Variants in UROC1 observed in about 807,000 individuals in gnomAD.
UROC1 encodes the protein urocanate hydratase.
UROC1 carries 79 observed loss-of-function variants against 89.5 expected under a neutral mutation model. The observed-to-expected ratio is 0.88, with a 90% CI of 0.74 to 1.06. The LOEUF (loss-of-function observed/expected upper bound fraction) is 1.06. UROC1 is among the 50% of genes least tolerant of loss of function. The pLI, the probability that UROC1 is intolerant of heterozygous loss-of-function variation, is 0.00. For missense variants in UROC1, 885 were observed against 907.8 expected (o/e 0.97, Z 0.32); for synonymous variants, 361 against 354.8 (o/e 1.02, Z -0.20).
chr3:126,490,570 A>G (rs1174845297), intron 16 of UROC1, among the ~76,000 whole-genome samples: 1 of 152,138 alleles, frequency 6.6e-6, no homozygotes, highest in Non-Finnish European at 1.5e-5. Flanking sequence ...CTGTAATCAC[A>G]GCTCGTCGGG....
intron 10 of UROC1, 54 bp from the exon 11 acceptor site, chr3:126,500,928 T>A (rs1576722099): frequency 1.2e-6 from 2 of 1,602,752 alleles, no homozygotes; most frequent in African/African-American, 1.3e-5. Context: ...GGGCCCAGAG[T>A]CTGGGGCCAG....
rs187939212 is a variant in UROC1, at chr3:126,494,742, C to T, written c.1509+1296G>A. Among the ~76,000 whole-genome samples the T allele has an allele frequency of 4.9e-4, 75 of 152,316 alleles. No individual in the cohort carries two copies. In the East Asian group the frequency reaches 0.013, roughly 26 times the overall value. ...GGGCTGGTCCCTCTGCCTCGATTGT[C>T]ACATGGTTGCAACCCTCTCAGCATG... On this transcript the variant is annotated intron_variant, in intron 15 of 19. Transcript: ENST00000290868.
intron 9 of UROC1, among the ~76,000 whole-genome samples, chr3:126,502,697 T>C (rs1935961924): frequency 6.6e-6 from 1 of 151,930 alleles, no homozygotes. Flanking sequence ...TCTGTTTATG[T>C]GTGTGTCTAT....
Position 126,496,172 on chromosome 3 carries a change from G to A in UROC1, c.1439-64C>T. On this transcript the variant is annotated intron_variant, in intron 14 of 19. Coordinates refer to ENST00000290868, the MANE Select transcript of UROC1 (RefSeq NM_144639.3). Reference sequence around the variant, plus strand: ...GGGGCACAGACCTGCCCTCAGGCAGGCTGCTCAGCTCAGCACAGACCCTGC... The same window carrying A: ...GGGGCACAGACCTGCCCTCAGGCAGACTGCTCAGCTCAGCACAGACCCTGC... 3 of 1,537,354 alleles carry A rather than the reference G, an allele frequency of 2.0e-6. No homozygotes were observed. In the East Asian group the frequency reaches 6.9e-5, roughly 35 times the overall value.
In UROC1 at chr3:126,482,177, C is replaced by G; in HGVS notation, c.*168G>C. ...ATGTCTCTGGGCCTCAGGGGGCTGT[C>G]TGTAAAATGAGGCTGTGGTGGCACC... On this transcript the variant is annotated 3_prime_UTR_variant, in exon 20 of 20. Transcript: ENST00000290868. 1.1e-6 allele frequency: 1 copy of G among 929,616 alleles called. No individual in the cohort carries two copies. Among genetic ancestry groups the G allele is most frequent in the Non-Finnish European group, 1.6e-6 (1 of 617,986 alleles). 57.6% of individuals were successfully genotyped at this position (929,616 alleles called of 1,614,324 possible). A position where few individuals can be genotyped will look rare whatever the true frequency, so the allele number is the denominator to read the frequency against.
chr3:126,482,854 G>A (rs553195940), intron 19 of UROC1, among the ~76,000 whole-genome samples: 14 of 151,626 alleles, frequency 9.2e-5, no homozygotes, highest in East Asian at 1.9e-4. Flanking sequence ...ATGATGCCAC[G>A]CCTCCTCCCC....
At chr3:126,502,485 ATT>A (rs1268229126) in intron 9 of UROC1, among the ~76,000 whole-genome samples, 2 of 145,106 alleles carry the variant, frequency 1.4e-5, no homozygotes, top group Non-Finnish European at 3.0e-5. Flanking sequence ...GTGCATACGT[ATT>A]GTGTTTATGC....
intron 12 of UROC1, 57 bp from the exon 13 acceptor site, chr3:126,499,466 G>A (rs1935863759): frequency 1.5e-5 from 23 of 1,538,548 alleles, no homozygotes; most frequent in Non-Finnish European, 2.0e-5. Context: ...GGCCACCCTA[G>A]ATGGCAACTT....
intron 9 of UROC1, chr3:126,501,709 G>T: frequency 7.0e-7 from 1 of 1,433,886 alleles, no homozygotes; most frequent in Non-Finnish European, 9.4e-7. Flanking sequence ...CAGAAGATTT[G>T]AACAGGCCTT....
At chr3:126,482,632 A>G (rs1027981475) in intron 19 of UROC1, 147 bp from the exon 20 acceptor site, 5 of 1,225,952 alleles carry the variant, frequency 4.1e-6, no homozygotes, top group Non-Finnish European at 5.8e-6. Context: ...CCCCATTTCC[A>G]CCCCCAGCTT....
intron 1 of UROC1, among the ~76,000 whole-genome samples, chr3:126,515,935 C>T (rs1169223748): frequency 6.7e-5 from 1 of 14,938 alleles, no homozygotes; most frequent in Non-Finnish European, 1.5e-4. Flanking sequence ...ACACCCACCA[C>T]CTACCCTCCC....
chr3:126,495,738 G>A (rs1935760762), intron 15 of UROC1, among the ~76,000 whole-genome samples: 1 of 152,190 alleles, frequency 6.6e-6, no homozygotes, highest in Non-Finnish European at 1.5e-5. Flanking sequence ...TGATTTCCAT[G>A]TGGCTGCACC....
In UROC1 at chr3:126,517,577, A is replaced by G. The variant is rs562753268; in HGVS notation, c.126+17T>C. ...GCCTAGAGGCCAAGGCCTCGGGAGC[A>G]CGGGCCCACTGCTTACCTGTTTCTC... On this transcript the variant is annotated intron_variant, in intron 1 of 19. Transcript: ENST00000290868. 85 of 1,612,360 alleles carry G rather than the reference A, an allele frequency of 5.3e-5. 1 individual carries two copies. The South Asian group carries it at 8.6e-4, about 16-fold the overall frequency.
At chr3:126,501,959 C>T (rs748463085) in intron 9 of UROC1, 34 of 1,582,176 alleles carry the variant, frequency 2.1e-5, no homozygotes, top group South Asian at 6.7e-5. Flanking sequence ...CTGTGGGAAC[C>T]GTGAGCAGAG....
At position 126,499,376 on chromosome 3, in the gene UROC1, G is replaced by A; in HGVS notation, c.1277C>T (p.Thr426Ile). Residue 426 changes from threonine (T) to isoleucine (I), a missense_variant, in exon 13 of 20, where the codon ACA becomes ATA. Coordinates refer to ENST00000290868, the MANE Select transcript of UROC1 (RefSeq NM_144639.3). ...ADVEKKGAGR[T>I]EFRYPSYVQH... ...CACATAGGAAGGGTAGCGGAACTCTGTCCTGCCAGCACCTTTCTTCTCCAC... is the reference window on the plus strand; with the variant it reads ...CACATAGGAAGGGTAGCGGAACTCTATCCTGCCAGCACCTTTCTTCTCCAC... The A allele has an allele frequency of 6.2e-7, 1 of 1,612,698 alleles. No individual in the cohort carries two copies. Among genetic ancestry groups the A allele is most frequent in the Non-Finnish European group, 8.5e-7 (1 of 1,179,778 alleles).
chr3:126,502,867 T>A (rs1480835089), intron 9 of UROC1, among the ~76,000 whole-genome samples: 1 of 151,974 alleles, frequency 6.6e-6, no homozygotes, highest in African/African-American at 2.4e-5. Flanking sequence ...GTTGTGTGTT[T>A]GTGTGTGCAA....
chr3:126,482,242 G>T lies in UROC1; in HGVS notation c.*103C>A. 1 of 1,532,846 alleles carries T rather than the reference G, an allele frequency of 6.5e-7. No homozygotes were observed. The highest frequency in any genetic ancestry group is 1.2e-5 in the South Asian group (1 of 83,554). The allele number at this position is 1,532,846 out of a possible 1,614,324, so 95.0% of individuals were successfully genotyped here. A position where few individuals can be genotyped will look rare whatever the true frequency, so the allele number is the denominator to read the frequency against. On this transcript the variant is annotated 3_prime_UTR_variant, in exon 20 of 20. Transcript: ENST00000290868. The stretch of plus-strand genomic sequence containing the variant: ...ATAAGGGCCACGTGAGGATGTGCGA[G>T]AAGTGCAGGTAGTGCGGGTGTGCAG...
chr3:126,505,672 G>A (rs1485772544), intron 8 of UROC1, 29 bp downstream of exon 8: 2 of 1,612,974 alleles, frequency 1.2e-6, no homozygotes, highest in Non-Finnish European at 1.7e-6. Context: ...AGGCAGGCAG[G>A]AGCGAAGGCC....
In UROC1 at chr3:126,503,953, G is replaced by A. The variant is rs75704580; in HGVS notation, c.902+42C>T. 488 of 1,607,600 alleles carry A rather than the reference G, an allele frequency of 3.0e-4. No homozygotes were observed. In the Middle Eastern group the frequency reaches 3.5e-3, roughly 11 times the overall value. ...TCCTCTTGTGGTCTCCTGCTGCCAC[G>A]TGTCAGGTGTCAGGTGTCCGGAGTT... On this transcript the variant is annotated intron_variant, in intron 9 of 19. Transcript: ENST00000290868.
Sources: allele counts gnomAD v4.1 joint callset (sites outside exome capture counted in the v4.1 genomes callset), GRCh38; gene constraint gnomAD v4.1.1; transcripts MANE v1.5; gene names NCBI Gene and HGNC (gene_info 2026-07-23, HGNC 2026-07-21).